The following BBS2 variants were observed in gnomAD, a reference collection of about 807,000 sequenced individuals.
BBS2 encodes BBSome complex member BBS2.
In BBS2, 62 loss-of-function variants were observed where a neutral mutation model predicts 83.0. That is an observed-to-expected ratio of 0.75 (90% CI 0.61 to 0.92). The LOEUF (loss-of-function observed/expected upper bound fraction) is 0.92. Among genes scored for constraint, BBS2 ranks in the 40% least tolerant of loss-of-function variants. The pLI, the probability that BBS2 is intolerant of heterozygous loss-of-function variation, is 0.00. For synonymous variants in BBS2, 303 were observed against 326.1 expected (o/e 0.93, Z 0.76); for missense variants, 784 against 901.0 (o/e 0.87, Z 1.66).
chr16:56,502,527 A>G, intron 8 of BBS2, 71 bp from the exon 9 acceptor site: 2 of 1,612,752 alleles, frequency 1.2e-6, no homozygotes, highest in Non-Finnish European at 1.7e-6. Flanking sequence ...GCTCTTAAAA[A>G]CAAAAACCTA....
intron 5 of BBS2, among the ~76,000 whole-genome samples, chr16:56,508,981 A>G (rs1377420945): frequency 6.6e-6 from 1 of 152,188 alleles, no homozygotes; most frequent in Non-Finnish European, 1.5e-5. Context: ...TGGGATATTA[A>G]GAAATATCTC....
chr16:56,496,865 A>C, intron 15 of BBS2, 102 bp downstream of exon 15: 1 of 904,768 alleles, frequency 1.1e-6, no homozygotes, highest in Non-Finnish European at 1.9e-6. Flanking sequence ...TTCCAAAGTC[A>C]CTGTAACAAT....
rs746277682 is a variant in BBS2, at chr16:56,485,613, A to G, written c.2036T>C (p.Ile679Thr). 6.2e-7 allele frequency: 1 copy of G among 1,614,082 alleles called. No homozygotes were observed. The highest frequency in any genetic ancestry group is 1.1e-5 in the South Asian group (1 of 91,076). ...LGNLKAVNQAIQRAGRLRVGK... is the reference protein window; with the variant it reads ...LGNLKAVNQATQRAGRLRVGK... ...ACCCCGCAGACGACCTGCTCTTTGA[A>G]TTGCTTGATTTACTGCTTTGAGGTT... The change falls in exon 16 of 17, where the codon ATT becomes ACT. Residue 679 changes from isoleucine (I) to threonine (T), a missense_variant. Coordinates refer to ENST00000245157, the MANE Select transcript of BBS2 (RefSeq NM_031885.5).
At chr16:56,482,300 G>A (rs1303344377), downstream of BBS2, among the ~76,000 whole-genome samples, 1 of 152,124 alleles carries the variant, frequency 6.6e-6, no homozygotes, top group Non-Finnish European at 1.5e-5. Flanking sequence ...CACTAACTCT[G>A]TGACCTGAAA....
At chr16:56,495,120 G>T (rs943014397) in intron 15 of BBS2, among the ~76,000 whole-genome samples, 2 of 152,120 alleles carry the variant, frequency 1.3e-5, no homozygotes, top group Non-Finnish European at 2.9e-5. Flanking sequence ...AGCTGATAAA[G>T]AAACTGTCTT....
chr16:56,476,901 A>C (rs1416971393), intron 17 of BBS2: 2 of 152,398 alleles, frequency 1.3e-5, no homozygotes, highest in African/African-American at 4.8e-5. Context: ...AGGCCAAGGC[A>C]GGCGGATCAC....
intron 7 of BBS2, among the ~76,000 whole-genome samples, chr16:56,503,682 G>A (rs1964342197): frequency 6.6e-6 from 1 of 152,198 alleles, no homozygotes; most frequent in South Asian, 2.1e-4. Context: ...CACTTTGTGA[G>A]GCCGAGGCAG....
At chr16:56,496,322 A>G (rs1964115516) in intron 15 of BBS2, among the ~76,000 whole-genome samples, 1 of 152,226 alleles carries the variant, frequency 6.6e-6, no homozygotes, top group Admixed American at 6.5e-5. Context: ...CAGAATATTT[A>G]ATGAAGTTAA....
intron 17 of BBS2, chr16:56,475,661 T>C (rs2144063207): frequency 1.0e-6 from 1 of 966,836 alleles, no homozygotes; most frequent in Non-Finnish European, 1.6e-6. Flanking sequence ...CCAGTGTCTT[T>C]AGCTAATAAA....
intron 8 of BBS2, 89 bp downstream of exon 8, chr16:56,502,584 T>G: frequency 6.2e-7 from 1 of 1,611,276 alleles, no homozygotes; most frequent in Non-Finnish European, 8.5e-7. Flanking sequence ...AGGATCTCGG[T>G]ACAAATACTT....
chr16:56,489,318 G>T (rs1352060848), intron 15 of BBS2, among the ~76,000 whole-genome samples: 2 of 152,188 alleles, frequency 1.3e-5, no homozygotes, highest in East Asian at 3.9e-4. Context: ...TCCAGCCTGG[G>T]CAACAGAATA....
At chr16:56,489,524 C>G (rs1416114788) in intron 15 of BBS2, among the ~76,000 whole-genome samples, 1 of 151,964 alleles carries the variant, frequency 6.6e-6, no homozygotes, top group East Asian at 1.9e-4. Context: ...AGGCTGGGCA[C>G]AGTGGCTCAC....
chr16:56,505,421 C>G (rs1358428580), intron 7 of BBS2, among the ~76,000 whole-genome samples: 2 of 152,160 alleles, frequency 1.3e-5, no homozygotes, highest in East Asian at 3.9e-4. Flanking sequence ...GATCTGGCAG[C>G]TACCTAGGCA....
chr16:56,518,262 TG>T (rs34049616), intron 1 of BBS2, among the ~76,000 whole-genome samples: 23 of 152,212 alleles, frequency 1.5e-4, no homozygotes, highest in Non-Finnish European at 5.9e-5. Flanking sequence ...ACAATATACA[TG>T]GAAGTGTCCT....
intron 17 of BBS2, among the ~76,000 whole-genome samples, chr16:56,472,106 C>T (rs2144041312): frequency 6.6e-6 from 1 of 152,152 alleles, no homozygotes; most frequent in Non-Finnish European, 1.5e-5. Flanking sequence ...GGATCACAGG[C>T]ATATGCCACC....
At chr16:56,518,429 C>A (rs1272063995) in intron 1 of BBS2, among the ~76,000 whole-genome samples, 2 of 152,158 alleles carry the variant, frequency 1.3e-5, no homozygotes, top group African/African-American at 4.8e-5. Context: ...AAAGTGAGAA[C>A]CATAAAAAGA....
In BBS2 at chr16:56,502,381, C is replaced by CG; in HGVS notation, c.1015dup (p.Arg339ProfsTer16). On this transcript the variant is annotated frameshift_variant, in exon 9 of 17. Transcript: ENST00000245157. LOFTEE classifies it high-confidence loss of function. Reference sequence around the variant, plus strand: ...ATTCTGCTTCTTCTGACTCAGCTCTCGGATCAGGTCCTGCTCTGCACTGGT... The same window carrying CG: ...ATTCTGCTTCTTCTGACTCAGCTCTCGGGATCAGGTCCTGCTCTGCACTGGT... 6.2e-7 allele frequency: 1 copy of CG among 1,614,236 alleles called. No homozygotes were observed. Among genetic ancestry groups the CG allele is most frequent in the South Asian group, 1.1e-5 (1 of 91,088 alleles).
intron 13 of BBS2, 81 bp from the exon 14 acceptor site, chr16:56,497,961 T>G: frequency 1.4e-6 from 2 of 1,450,878 alleles, no homozygotes; most frequent in Non-Finnish European, 1.9e-6. Context: ...AATTTCCCCA[T>G]ACTCAACAAA....
chr16:56,488,875 A>G (rs1391334600), intron 15 of BBS2, among the ~76,000 whole-genome samples: 27 of 152,210 alleles, frequency 1.8e-4, no homozygotes, highest in Admixed American at 1.8e-3. Flanking sequence ...GGAGAGCCTA[A>G]GATTTTAGGA....
Sources: allele counts gnomAD v4.1 joint callset (sites outside exome capture counted in the v4.1 genomes callset), GRCh38; gene constraint gnomAD v4.1.1; transcripts MANE v1.5; gene names NCBI Gene and HGNC (gene_info 2026-07-23, HGNC 2026-07-21).